The following CFAP54 variants were observed in gnomAD, a reference collection of about 807,000 sequenced individuals.
CFAP54 encodes the protein cilia and flagella associated protein 54, also known as cilia- and flagella-associated protein 54.
Under a neutral mutation model 370.4 loss-of-function variants are expected in CFAP54, and 290 were observed. The observed-to-expected ratio is 0.78, with a 90% CI of 0.71 to 0.86. CFAP54 has a LOEUF of 0.86. Ranked by LOEUF, CFAP54 falls within the 40% of genes least tolerant of loss-of-function variation. The pLI is 0.00. For synonymous variants in CFAP54, 1,206 were observed against 1,236.5 expected, an observed-to-expected ratio of 0.98 and a Z score of 0.52; for missense variants, 3,399 against 3,528.7, an observed-to-expected ratio of 0.96 and a Z score of 0.93.
intron 50 of CFAP54, among the ~76,000 whole-genome samples, chr12:96,732,767 A>G (rs1160605504): frequency 2.0e-5 from 3 of 152,198 alleles, no homozygotes; most frequent in African/African-American, 7.2e-5. Flanking sequence ...ATGGTAGTTG[A>G]TGGTAGAATA....
chr12:96,721,974 A>G (rs542300650), intron 50 of CFAP54, among the ~76,000 whole-genome samples: 8 of 152,296 alleles, frequency 5.3e-5, no homozygotes, highest in South Asian at 4.1e-4. Flanking sequence ...TTGATGTTCA[A>G]TGGCTGACAG....
intron 52 of CFAP54, 76 bp from the exon 53 acceptor site, chr12:96,743,325 GA>G: frequency 3.5e-6 from 5 of 1,421,448 alleles, no homozygotes; most frequent in Non-Finnish European, 4.9e-6. Context: ...TTTCTGTGAT[GA>G]AAATTGGGGC....
At chr12:96,800,978 G>C (rs1387746985) in intron 63 of CFAP54, among the ~76,000 whole-genome samples, 1 of 152,154 alleles carries the variant, frequency 6.6e-6, no homozygotes, top group African/African-American at 2.4e-5. Flanking sequence ...GGCACTTCTA[G>C]CTTCTTGAAA....
At chr12:96,515,911 T>TG (rs1955226127) in intron 5 of CFAP54, among the ~76,000 whole-genome samples, 4 of 114,808 alleles carry the variant, frequency 3.5e-5, no homozygotes, top group Non-Finnish European at 7.0e-5. Context: ...ATTACCTCTA[T>TG]GTTTTTTTTT....
intron 9 of CFAP54, 34 bp downstream of exon 9, chr12:96,527,478 G>T (rs1265914828): frequency 7.0e-7 from 1 of 1,425,006 alleles, no homozygotes; most frequent in Non-Finnish European, 9.3e-7. Flanking sequence ...TTTTATGATA[G>T]AATGATACAC....
At position 96,704,687 on chromosome 12, in the gene CFAP54, T is replaced by C. The variant is rs1957529661; in HGVS notation, c.6475-56T>C. The C allele has an allele frequency of 6.8e-6, 5 of 737,846 alleles. No individual in the cohort carries two copies. The African/African-American group carries it at 9.5e-5, about 14-fold the overall frequency. The allele number at this position is 737,846 out of a possible 1,614,324, so 45.7% of individuals were successfully genotyped here. A position where few individuals can be genotyped will look rare whatever the true frequency, so the allele number is the denominator to read the frequency against. ...TTTTAGAACACATTAAATGTTTTAT[T>C]GAAAAGAATACTCAAGTAATCTTGT... On this transcript the variant is annotated intron_variant, in intron 46 of 67. Transcript: ENST00000524981.
intron 22 of CFAP54, 75 bp from the exon 23 acceptor site, chr12:96,589,352 A>C (rs370882356): frequency 1.7e-6 from 2 of 1,191,396 alleles, no homozygotes; most frequent in East Asian, 5.1e-5. Context: ...CATAGATTGT[A>C]TATTTTAAGA....
At chr12:96,859,143 A>G (rs1008470563) in intron 66 of CFAP54, among the ~76,000 whole-genome samples, 1 of 152,184 alleles carries the variant, frequency 6.6e-6, no homozygotes, top group African/African-American at 2.4e-5. Context: ...GTGACAAAAA[A>G]AAGCAATGGG....
chr12:96,802,317 G>A (rs1371509551), intron 63 of CFAP54, among the ~76,000 whole-genome samples: 8 of 152,122 alleles, frequency 5.3e-5, no homozygotes, highest in African/African-American at 1.9e-4. Context: ...AGCCACAGCT[G>A]GCACCATTTT....
In CFAP54 at chr12:96,596,981, G is replaced by T. The variant is rs577568374; in HGVS notation, c.3517-1664G>T. Among the ~76,000 whole-genome samples, 192 of 152,134 alleles carry T rather than the reference G, an allele frequency of 1.3e-3. 1 individual carries two copies. Among genetic ancestry groups the T allele is most frequent in the African/African-American group, 4.5e-3 (188 of 41,534 alleles). On this transcript the variant is annotated intron_variant, in intron 25 of 67. Coordinates refer to ENST00000524981, the MANE Select transcript of CFAP54 (RefSeq NM_001306084.2). ...ATTAACAATGTAATATCACTGGCAG[G>T]ATTGAAAAGATTTGCTGGTGAAGAT...
At chr12:96,624,019 C>A in intron 28 of CFAP54, 138 bp downstream of exon 28, 1 of 577,266 alleles carries the variant, frequency 1.7e-6, no homozygotes. Flanking sequence ...TATCATTAAT[C>A]CTAACAATAC....
intron 32 of CFAP54, among the ~76,000 whole-genome samples, chr12:96,631,552 A>T (rs1294727271): frequency 6.6e-6 from 1 of 151,240 alleles, no homozygotes; most frequent in Non-Finnish European, 1.5e-5. Flanking sequence ...TACTTTATTA[A>T]TTTCACTGCT....
chr12:96,692,099 A>G (rs1366658366), intron 44 of CFAP54, among the ~76,000 whole-genome samples: 1 of 136,624 alleles, frequency 7.3e-6, no homozygotes, highest in Non-Finnish European at 1.6e-5. Flanking sequence ...ATTTTTTTCT[A>G]TTCTCTCGGT....
At chr12:96,760,972 G>A (rs1958329710) in intron 58 of CFAP54, among the ~76,000 whole-genome samples, 2 of 152,074 alleles carry the variant, frequency 1.3e-5, no homozygotes, top group South Asian at 4.1e-4. Flanking sequence ...ATTCTTTTGA[G>A]TATATACCTA....
chr12:96,674,887 T>G (rs1957187924), intron 39 of CFAP54, among the ~76,000 whole-genome samples: 1 of 152,168 alleles, frequency 6.6e-6, no homozygotes, highest in African/African-American at 2.4e-5. Flanking sequence ...TAGCCATATG[T>G]AGAAAGCTGA....
At chr12:96,791,851 C>CTTTTTT (rs112115771) in intron 62 of CFAP54, among the ~76,000 whole-genome samples, 1 of 134,474 alleles carries the variant, frequency 7.4e-6, no homozygotes. Context: ...ATTTTTTTTT[C>CTTTTTT]TTTTTTTTTT....
At chr12:96,536,987 A>AATT (rs369063940) in intron 12 of CFAP54, among the ~76,000 whole-genome samples, 1 of 147,412 alleles carries the variant, frequency 6.8e-6, no homozygotes, top group African/African-American at 2.6e-5. Flanking sequence ...TCAATTCAAT[A>AATT]CAATTCAATT....
rs1205688257 is a variant in CFAP54, at chr12:96,522,166, A to G, written c.1135A>G (p.Ile379Val). The G allele has an allele frequency of 1.3e-6, 2 of 1,533,876 alleles. No individual in the cohort carries two copies. The highest frequency in any genetic ancestry group is 2.4e-5 in the East Asian group (1 of 40,884). ...AGCTGTCTTTAGACCTAAGATAAGA[A>G]TTAACCTAAGGGAAGTACAAACTGT... ...NKAVFRPKIR[I>V]NLREVQTLSW... Residue 379 changes from isoleucine (I) to valine (V), a missense_variant, in exon 8 of 68, where the codon ATT (isoleucine) becomes GTT (valine). Ile to Val is a conservative substitution (Grantham distance 29). This residue lies in a region of CFAP54 where 559 missense variants were observed against 576.7 expected (regional missense o/e 0.97). Coordinates refer to ENST00000524981, the MANE Select transcript of CFAP54 (RefSeq NM_001306084.2).
intron 22 of CFAP54, 55 bp downstream of exon 22, chr12:96,581,160 T>A (rs1241086957): frequency 4.1e-5 from 49 of 1,201,162 alleles, no homozygotes; most frequent in Non-Finnish European, 4.9e-5. Flanking sequence ...CATTAAGCAG[T>A]TATGAAGTAA....
Sources: allele counts gnomAD v4.1 joint callset (sites outside exome capture counted in the v4.1 genomes callset), GRCh38; gene constraint gnomAD v4.1.1; regional missense constraint gnomAD v4.1.1; transcripts MANE v1.5; gene names NCBI Gene and HGNC (gene_info 2026-07-23, HGNC 2026-07-21).